The following EPHA3 variants were observed in gnomAD, a reference collection of about 807,000 sequenced individuals.
The protein encoded by EPHA3 is ephrin type-A receptor 3.
A neutral mutation model predicts 107.1 loss-of-function variants in EPHA3; 42 were observed. The ratio of observed to expected loss-of-function variants is 0.39; its 90% confidence interval spans 0.31 to 0.51. The LOEUF (loss-of-function observed/expected upper bound fraction) is 0.51, where lower values mean the gene tolerates loss of function less well. Among genes scored for constraint, EPHA3 ranks in the 20% least tolerant of loss-of-function variants. EPHA3 has a pLI of 0.78. For missense variants in EPHA3, 1,183 were observed against 1,211.2 expected (o/e 0.98, Z 0.35); for synonymous variants, 461 against 424.8 (o/e 1.09, Z -1.05).
intron 2 of EPHA3, among the ~76,000 whole-genome samples, chr3:89,182,038 T>C (rs1705454072): frequency 6.6e-6 from 1 of 151,786 alleles, no homozygotes; most frequent in South Asian, 2.1e-4. Flanking sequence ...TTTTTTTTTT[T>C]ACTATGGTTT....
At chr3:89,270,857 T>C (rs1705651463) in intron 3 of EPHA3, among the ~76,000 whole-genome samples, 1 of 152,098 alleles carries the variant, frequency 6.6e-6, no homozygotes. Flanking sequence ...AAAGAAAAAG[T>C]TATTAAGAAA....
At chr3:89,146,146 C>G (rs1434258047) in intron 2 of EPHA3, among the ~76,000 whole-genome samples, 1 of 151,808 alleles carries the variant, frequency 6.6e-6, no homozygotes, top group Non-Finnish European at 1.5e-5. Flanking sequence ...AAATCTCTCT[C>G]TGTCCTGCTC....
chr3:89,253,649 C>T (rs754882741), intron 3 of EPHA3, among the ~76,000 whole-genome samples: 1 of 151,994 alleles, frequency 6.6e-6, no homozygotes, highest in African/African-American at 2.4e-5. Context: ...AGGAAGACAT[C>T]CTTGTTTATA....
intron 5 of EPHA3, among the ~76,000 whole-genome samples, chr3:89,374,571 A>T (rs1559670656): frequency 6.6e-6 from 1 of 151,842 alleles, no homozygotes; most frequent in Non-Finnish European, 1.5e-5. Context: ...GCTATGAGAT[A>T]TTACAGCAAT....
Position 89,107,743 on chromosome 3 carries a change from A to G in EPHA3, c.-6A>G, listed in dbSNP as rs778432274. The stretch of plus-strand genomic sequence containing the variant: ...TGCTCCTCTCACTGCCCTCTGCACC[A>G]GCAACATGGATTGTCAGCTCTCCAT... On this transcript the variant is annotated 5_prime_UTR_variant, in exon 1 of 17. Transcript: ENST00000336596. 24 of 1,613,924 alleles carry G rather than the reference A, an allele frequency of 1.5e-5. No homozygotes were observed. The highest frequency in any genetic ancestry group is 2.0e-5 in the Non-Finnish European group (24 of 1,179,804).
At chr3:89,180,962 C>T (rs1323111989) in intron 2 of EPHA3, among the ~76,000 whole-genome samples, 3 of 151,764 alleles carry the variant, frequency 2.0e-5, no homozygotes, top group Admixed American at 6.6e-5. Context: ...GTTGATAAAC[C>T]AAGTGACTGA....
In EPHA3 at chr3:89,388,919, G is replaced by A. The variant is rs151207184; in HGVS notation, c.1307-6918G>A. ...TTATAAAATACTAAATCATCAAAAT[G>A]TATAGAAAGTTGAAATTCTGAAAAT... On this transcript the variant is annotated intron_variant, in intron 5 of 16. Coordinates refer to ENST00000336596, the MANE Select transcript of EPHA3 (RefSeq NM_005233.6). 3.3e-5 allele frequency among the ~76,000 whole-genome samples: 5 copies of A among 152,300 alleles called. No individual in the cohort carries two copies. In the East Asian group the frequency reaches 9.7e-4, roughly 29 times the overall value.
intron 1 of EPHA3, among the ~76,000 whole-genome samples, chr3:89,121,657 C>T (rs1203614178): frequency 1.8e-4 from 27 of 150,968 alleles, no homozygotes; most frequent in East Asian, 3.9e-4. Context: ...CTCAGGAGGC[C>T]GAGGCAGGAG....
At chr3:89,282,596 TTA>T (rs1369656485) in intron 3 of EPHA3, among the ~76,000 whole-genome samples, 2 of 152,108 alleles carry the variant, frequency 1.3e-5, no homozygotes, top group Non-Finnish European at 2.9e-5. Flanking sequence ...GGCCATAATT[TTA>T]TTTGATTGCA....
At chr3:89,440,781 G>A (rs1251925266) in intron 13 of EPHA3, among the ~76,000 whole-genome samples, 1 of 152,168 alleles carries the variant, frequency 6.6e-6, no homozygotes, top group Non-Finnish European at 1.5e-5. Context: ...AGAATCACTA[G>A]CATCTTTACC....
chr3:89,260,923 C>T (rs1162604762), intron 3 of EPHA3, among the ~76,000 whole-genome samples: 4 of 152,130 alleles, frequency 2.6e-5, no homozygotes, highest in Non-Finnish European at 4.4e-5. Flanking sequence ...TCTTTGAGGC[C>T]GTCCTGCTAT....
At chr3:89,250,099 T>C (rs966863378) in intron 3 of EPHA3, among the ~76,000 whole-genome samples, 8 of 152,256 alleles carry the variant, frequency 5.3e-5, no homozygotes, top group African/African-American at 1.9e-4. Context: ...GTTCTTTTAA[T>C]TGAAGTTCCA....
chr3:89,415,418 C>T (rs866605936), intron 10 of EPHA3, among the ~76,000 whole-genome samples: 6 of 145,154 alleles, frequency 4.1e-5, no homozygotes, highest in African/African-American at 1.5e-4. Flanking sequence ...GAAAGGCAAA[C>T]CTTTCAGCCA....
intron 5 of EPHA3, among the ~76,000 whole-genome samples, chr3:89,388,547 T>G (rs1708667716): frequency 6.6e-6 from 1 of 151,978 alleles, no homozygotes; most frequent in South Asian, 2.1e-4. Context: ...AAGAGAGAGA[T>G]CTAGTGTTGC....
chr3:89,416,668 C>T (rs902798388), intron 10 of EPHA3, among the ~76,000 whole-genome samples: 14 of 151,200 alleles, frequency 9.3e-5, no homozygotes, highest in South Asian at 2.1e-4. Context: ...AATATATTGG[C>T]GGCTATTTCT....
chr3:89,200,189 G>A (rs545849343), intron 2 of EPHA3, among the ~76,000 whole-genome samples: 6 of 152,304 alleles, frequency 3.9e-5, no homozygotes, highest in Admixed American at 6.5e-5. Flanking sequence ...CTTGAAAGGA[G>A]AAATGGAGTC....
chr3:89,298,145 A>C (rs1205277188), intron 3 of EPHA3, among the ~76,000 whole-genome samples: 2 of 152,142 alleles, frequency 1.3e-5, no homozygotes, highest in Non-Finnish European at 2.9e-5. Context: ...ATGTGCGAGC[A>C]CCAAATCCCA....
At chr3:89,264,720 C>G (rs1310794906) in intron 3 of EPHA3, among the ~76,000 whole-genome samples, 1 of 152,050 alleles carries the variant, frequency 6.6e-6, no homozygotes, top group Non-Finnish European at 1.5e-5. Flanking sequence ...CTATGCTTGC[C>G]ACATCCTAGG....
chr3:89,389,848 T>A (rs1029381253), intron 5 of EPHA3, among the ~76,000 whole-genome samples: 6 of 152,200 alleles, frequency 3.9e-5, no homozygotes, highest in African/African-American at 1.4e-4. Flanking sequence ...ACCATTGTAA[T>A]TTGTTTTTCT....
Sources: allele counts gnomAD v4.1 joint callset (sites outside exome capture counted in the v4.1 genomes callset), GRCh38; gene constraint gnomAD v4.1.1; transcripts MANE v1.5; gene names NCBI Gene and HGNC (gene_info 2026-07-23, HGNC 2026-07-21).